Variants in PDE11A observed in about 807,000 individuals in gnomAD.
The protein encoded by PDE11A is phosphodiesterase 11A, also known as dual 3',5'-cyclic-AMP and -GMP phosphodiesterase 11A.
A neutral mutation model predicts 100.5 loss-of-function variants in PDE11A; 100 were observed. The ratio of observed to expected loss-of-function variants is 1.00; its 90% CI spans 0.85 to 1.18. The LOEUF is 1.18. Ranked by LOEUF, PDE11A falls within the 50% of genes most tolerant of loss-of-function variation. The pLI is 0.00. For missense variants in PDE11A, 1,141 were observed against 1,152.6 expected (o/e 0.99, Z 0.15); for synonymous variants, 381 against 420.8 (o/e 0.91, Z 1.16).
chr2:178,046,395 G>A (rs2886651), intron 1 of PDE11A, among the ~76,000 whole-genome samples: 128,776 of 152,204 alleles, frequency 0.85, 54,714 homozygotes, highest in East Asian at 1. Context: ...AAATCTTACA[G>A]TGTGAAACAA....
chr2:178,076,002 C>T (rs929559442), upstream of PDE11A, among the ~76,000 whole-genome samples: 2 of 152,166 alleles, frequency 1.3e-5, 1 homozygote, highest in Admixed American at 1.3e-4. Context: ...CTATAATACA[C>T]TCCATGACAA....
rs2087593464 is a variant in PDE11A at position 178,104,313 on chromosome 2, T to C, written c.151A>G (p.Thr51Ala). ...CTGCTAGTTTTTACCTTTGTTTTTG[T>C]TTGCCTCTGTATAAGAAAATCCTGG... The change falls in exon 2 of 21, where the codon ACA (threonine) becomes GCA (alanine). Residue 51 changes from threonine (T) to alanine (A), a missense_variant. Transcript: ENST00000358450. 8.7e-6 allele frequency: 14 copies of C among 1,613,938 alleles called. No homozygotes were observed. Among genetic ancestry groups the C allele is most frequent in the Non-Finnish European group, 1.2e-5 (14 of 1,179,920 alleles).
At position 177,704,620 on chromosome 2, in the gene PDE11A, A is replaced by G. The variant is rs114075359; in HGVS notation, c.2154-3409T>C. On this transcript the variant is annotated intron_variant, in intron 13 of 19. Coordinates refer to ENST00000286063, the MANE Select transcript of PDE11A (RefSeq NM_016953.4). ...ATATCTGTGAAGATAAGCTTTATCA[A>G]AAAGTATTCTACAGAATACTAGTTC... 5.6e-3 allele frequency among the ~76,000 whole-genome samples: 856 copies of G among 152,320 alleles called. 7 individuals carry two copies. Among genetic ancestry groups the G allele is most frequent in the African/African-American group, 0.018 (765 of 41,578 alleles).
intron 19 of PDE11A, among the ~76,000 whole-genome samples, chr2:177,638,943 C>T (rs143249672): frequency 6.6e-6 from 1 of 152,246 alleles, no homozygotes; most frequent in Non-Finnish European, 1.5e-5. Flanking sequence ...CATCACTAAC[C>T]TGAAGACTCA....
intron 10 of PDE11A, among the ~76,000 whole-genome samples, chr2:177,736,925 C>T (rs1228981836): frequency 6.6e-6 from 1 of 152,324 alleles, no homozygotes; most frequent in South Asian, 2.1e-4. Context: ...ACCAAACACA[C>T]AATACCTAAA....
At chr2:177,996,688 A>G (rs756929571) in intron 2 of PDE11A, among the ~76,000 whole-genome samples, 1 of 152,208 alleles carries the variant, frequency 6.6e-6, no homozygotes. Flanking sequence ...TTATGCTTTT[A>G]TGACACTAGA....
chr2:177,675,501 G>C lies in PDE11A; in HGVS notation c.2441C>G (p.Ala814Gly). 1 of 1,613,352 alleles carries C rather than the reference G, an allele frequency of 6.2e-7. No homozygotes were observed. Among genetic ancestry groups the C allele is most frequent in the Non-Finnish European group, 8.5e-7 (1 of 1,179,456 alleles). Reference sequence around the variant, plus strand: ...TTTGGTCACGGCTCCAAGGTCACAGGCTGTCATTAACATTGATCTGAAAAA... The same window carrying C: ...TTTGGTCACGGCTCCAAGGTCACAGCCTGTCATTAACATTGATCTGAAAAA... ...RDIFRSMLMT[A>G]CDLGAVTKPW... is the part of the protein sequence containing the mutation. Residue 814 changes from alanine to glycine, a missense_variant, in exon 17 of 20, where the codon GCC becomes GGC. Physicochemically the swap from Ala to Gly is moderately conservative, Grantham distance 60 (BLOSUM62 0). Transcript: ENST00000286063.
intron 16 of PDE11A, among the ~76,000 whole-genome samples, chr2:177,680,316 TAA>T (rs1207854200): frequency 1.3e-5 from 2 of 152,144 alleles, no homozygotes; most frequent in Non-Finnish European, 2.9e-5. Context: ...ATTTGCCCCA[TAA>T]ACAGAGTGGG....
chr2:178,073,316 T>C (rs1406621644), upstream of PDE11A, among the ~76,000 whole-genome samples: 3 of 152,160 alleles, frequency 2.0e-5, no homozygotes, highest in Non-Finnish European at 4.4e-5. Context: ...GGAATGGCAT[T>C]TCCCCGAAAA....
At chr2:178,025,058 G>T (rs892187632) in intron 1 of PDE11A, among the ~76,000 whole-genome samples, 1 of 152,122 alleles carries the variant, frequency 6.6e-6, no homozygotes, top group Non-Finnish European at 1.5e-5. Context: ...TTTGATATTT[G>T]CTGAGAAAAA....
At chr2:178,041,546 T>C (rs768790639) in intron 1 of PDE11A, among the ~76,000 whole-genome samples, 1 of 152,112 alleles carries the variant, frequency 6.6e-6, no homozygotes, top group Admixed American at 6.6e-5. Context: ...GGCCAGAAAA[T>C]TCTTTTAAGA....
intron 4 of PDE11A, among the ~76,000 whole-genome samples, chr2:177,885,129 T>C: frequency 6.6e-6 from 1 of 152,154 alleles, no homozygotes; most frequent in Admixed American, 6.5e-5. Flanking sequence ...GTTGATTTAC[T>C]ATATTGATAT....
At position 177,635,891 on chromosome 2, in the gene PDE11A, G is replaced by C. The variant is rs1574083864; in HGVS notation, c.2647-6329C>G. On this transcript the variant is annotated intron_variant, in intron 19 of 19. Transcript: ENST00000286063. The stretch of plus-strand genomic sequence containing the variant: ...TTTTATGGCTATCTAGTATTCCACT[G>C]CTGTCAAAATTTGTTTAACCAGTTC... 2.0e-5 allele frequency among the ~76,000 whole-genome samples: 3 copies of C among 151,230 alleles called. No homozygotes were observed. The Admixed American group carries it at 2.0e-4, about 10-fold the overall frequency.
chr2:177,666,009 T>A (rs750337942), intron 18 of PDE11A, among the ~76,000 whole-genome samples: 1 of 152,190 alleles, frequency 6.6e-6, no homozygotes, highest in African/African-American at 2.4e-5. Flanking sequence ...GTTGAGCAAC[T>A]ATCACTACAA....
intron 5 of PDE11A, among the ~76,000 whole-genome samples, chr2:177,862,047 C>T (rs1291203834): frequency 6.6e-6 from 1 of 151,684 alleles, no homozygotes; most frequent in Non-Finnish European, 1.5e-5. Context: ...GCACAAGTAA[C>T]AAAAAAATTA....
At chr2:178,065,346 C>T (rs900878437) in intron 1 of PDE11A, among the ~76,000 whole-genome samples, 4 of 152,138 alleles carry the variant, frequency 2.6e-5, no homozygotes, top group Admixed American at 6.5e-5. Flanking sequence ...TTAAGCCAGG[C>T]TTGTCAATAA....
At chr2:177,819,240 T>C (rs2083095220) in intron 7 of PDE11A, among the ~76,000 whole-genome samples, 1 of 152,088 alleles carries the variant, frequency 6.6e-6, no homozygotes, top group Non-Finnish European at 1.5e-5. Flanking sequence ...AATATTCTTA[T>C]GCAGACTAAG....
intron 1 of PDE11A, among the ~76,000 whole-genome samples, chr2:178,044,570 T>C (rs1185602930): frequency 6.6e-6 from 1 of 151,926 alleles, no homozygotes; most frequent in East Asian, 1.9e-4. Context: ...TAAGAAGTTC[T>C]TGGGAGGTAT....
At chr2:177,698,712 C>T (rs1470769980) in intron 14 of PDE11A, 1 of 152,208 alleles carries the variant, frequency 6.6e-6, no homozygotes, top group African/African-American at 2.4e-5. Context: ...TATATTGGTT[C>T]TACCTGGGAC....
Sources: allele counts gnomAD v4.1 joint callset (sites outside exome capture counted in the v4.1 genomes callset), GRCh38; gene constraint gnomAD v4.1.1; transcripts MANE v1.5; gene names NCBI Gene and HGNC (gene_info 2026-07-23, HGNC 2026-07-21).